OSBPL10: variants seen among roughly 807,000 people sequenced by gnomAD.
The protein encoded by OSBPL10 is oxysterol-binding protein-related protein 10.
A neutral mutation model predicts 81.7 loss-of-function variants in OSBPL10; 49 were observed. The observed-to-expected ratio is 0.60, with a 90% CI of 0.48 to 0.76. The LOEUF is 0.76. Among genes scored for constraint, OSBPL10 ranks in the 30% least tolerant of loss-of-function variants. The probability of loss-of-function intolerance (pLI) is 0.00; values close to 1 mark genes in which losing one functional copy is unlikely to be tolerated. For missense variants in OSBPL10, 923 were observed against 987.8 expected (o/e 0.93, Z 0.88); for synonymous variants, 419 against 383.6 (o/e 1.09, Z -1.08).
intron 4 of OSBPL10, among the ~76,000 whole-genome samples, chr3:31,817,994 T>A (rs569004370): frequency 6.6e-6 from 1 of 152,216 alleles, no homozygotes; most frequent in East Asian, 1.9e-4. Context: ...TGGTCCCAGA[T>A]ACTTGAGAGG....
intron 1 of OSBPL10, among the ~76,000 whole-genome samples, chr3:31,905,286 T>C (rs1015899253): frequency 4.6e-5 from 7 of 150,574 alleles, no homozygotes; most frequent in African/African-American, 1.7e-4. Flanking sequence ...ATCAAACTTG[T>C]CAATATGTCA....
chr3:31,957,979 T>C (rs1698058641), intron 1 of OSBPL10, among the ~76,000 whole-genome samples: 1 of 152,208 alleles, frequency 6.6e-6, no homozygotes, highest in South Asian at 2.1e-4. Context: ...AGTCACATTG[T>C]ATAGAGTGAC....
intron 2 of OSBPL10, among the ~76,000 whole-genome samples, chr3:32,000,321 G>C (rs1699133132): frequency 6.6e-6 from 1 of 152,032 alleles, no homozygotes; most frequent in Non-Finnish European, 1.5e-5. Context: ...TTATAATACG[G>C]GCTCAAAGAC....
At chr3:31,925,453 G>C (rs1290949460) in intron 1 of OSBPL10, among the ~76,000 whole-genome samples, 1 of 151,598 alleles carries the variant, frequency 6.6e-6, no homozygotes, top group Non-Finnish European at 1.5e-5. Flanking sequence ...AGGACTACCA[G>C]AGTGACTGTT....
In OSBPL10 at chr3:31,862,081, A is replaced by T. The variant is rs932786247; in HGVS notation, c.537+14352T>A. On this transcript the variant is annotated intron_variant, in intron 3 of 11. Coordinates refer to ENST00000396556, the MANE Select transcript of OSBPL10 (RefSeq NM_017784.5). ...TTTGACTTTTGGTCAAAGCTGCCAC[A>T]TGCCAGGCTCAGAAATAGCCCCTTC... Among the ~76,000 whole-genome samples, 4 of 152,242 alleles carry T rather than the reference A, an allele frequency of 2.6e-5. No homozygotes were observed. The East Asian group carries it at 7.7e-4, about 29-fold the overall frequency.
chr3:31,710,635 G>A (rs1002225529), intron 6 of OSBPL10: 6 of 152,390 alleles, frequency 3.9e-5, no homozygotes, highest in African/African-American at 1.4e-4. Flanking sequence ...AAAGCAGCAA[G>A]TGCAGTGAAT....
chr3:31,763,511 G>C (rs1277924909), intron 4 of OSBPL10, among the ~76,000 whole-genome samples: 1 of 152,090 alleles, frequency 6.6e-6, no homozygotes, highest in African/African-American at 2.4e-5. Context: ...CTTTTATTTT[G>C]CAAGGAGAAT....
intron 1 of OSBPL10, among the ~76,000 whole-genome samples, chr3:32,054,110 T>G (rs1699689380): frequency 6.6e-6 from 1 of 152,250 alleles, no homozygotes; most frequent in Non-Finnish European, 1.5e-5. Flanking sequence ...GCTTTCTGCC[T>G]TTAACAAAAT....
chr3:31,682,699 C>T lies in OSBPL10; in HGVS notation c.1726+935G>A, dbSNP rs143866756. 2.8e-3 allele frequency among the ~76,000 whole-genome samples: 419 copies of T among 152,352 alleles called. 2 individuals carry two copies. Among genetic ancestry groups the T allele is most frequent in the African/African-American group, 9.6e-3 (398 of 41,588 alleles). Reference sequence around the variant, plus strand: ...ACTTACCATTCTTCAACTTACCACACAATCCATTTTATTTACTTATTTATT... The same window carrying T: ...ACTTACCATTCTTCAACTTACCACATAATCCATTTTATTTACTTATTTATT... On this transcript the variant is annotated intron_variant, in intron 8 of 11. Coordinates refer to ENST00000396556, the MANE Select transcript of OSBPL10 (RefSeq NM_017784.5).
chr3:31,962,774 T>A (rs985655417), intron 1 of OSBPL10, among the ~76,000 whole-genome samples: 2 of 152,156 alleles, frequency 1.3e-5, no homozygotes, highest in Non-Finnish European at 2.9e-5. Context: ...CCAAATCACT[T>A]GGGTGCAAGG....
chr3:31,801,367 T>C (rs957774651), intron 4 of OSBPL10, among the ~76,000 whole-genome samples: 1 of 152,140 alleles, frequency 6.6e-6, no homozygotes, highest in African/African-American at 2.4e-5. Flanking sequence ...GGGAAAAGTC[T>C]CCCTTGGCTC....
chr3:31,843,922 A>G (rs1700565495), intron 3 of OSBPL10, among the ~76,000 whole-genome samples: 1 of 152,232 alleles, frequency 6.6e-6, no homozygotes, highest in Non-Finnish European at 1.5e-5. Context: ...GGCAGCAGCC[A>G]TGAGTCCAGA....
rs549323770 is a variant in OSBPL10 at position 31,811,629 on chromosome 3, T to C, written c.729+18411A>G. Among the ~76,000 whole-genome samples, 3 of 152,304 alleles carry C rather than the reference T, an allele frequency of 2.0e-5. No individual in the cohort carries two copies. The East Asian group carries it at 5.8e-4, about 29-fold the overall frequency. ...CTATTTCCATGTGAAAGCAACACAG[T>C]TCATAACAGGATATATCAAGTCCAT... On this transcript the variant is annotated intron_variant, in intron 4 of 11. Transcript: ENST00000396556.
chr3:31,956,271 G>A (rs1236988267), intron 1 of OSBPL10, among the ~76,000 whole-genome samples: 1 of 152,214 alleles, frequency 6.6e-6, no homozygotes, highest in Non-Finnish European at 1.5e-5. Context: ...TTCCACATTA[G>A]AGGGAGGGCA....
At chr3:31,800,554 C>G (rs573722058) in intron 4 of OSBPL10, among the ~76,000 whole-genome samples, 2 of 152,320 alleles carry the variant, frequency 1.3e-5, no homozygotes, top group Non-Finnish European at 2.9e-5. Flanking sequence ...GGAGCATTTC[C>G]TTTCCCATTA....
chr3:31,662,467 G>A (rs1700092119), intron 11 of OSBPL10: 1 of 1,045,746 alleles, frequency 9.6e-7, no homozygotes, highest in Non-Finnish European at 1.1e-6. Flanking sequence ...GGAAAGAAAA[G>A]GCAAGGGTGT....
At chr3:31,750,227 A>G (rs527404256) in intron 4 of OSBPL10, among the ~76,000 whole-genome samples, 1 of 152,308 alleles carries the variant, frequency 6.6e-6, no homozygotes, top group East Asian at 1.9e-4. Flanking sequence ...AATCCCAGGC[A>G]CACCTATCTT....
At chr3:31,730,878 G>T (rs1167331588) in intron 6 of OSBPL10, among the ~76,000 whole-genome samples, 1 of 152,120 alleles carries the variant, frequency 6.6e-6, no homozygotes, top group African/African-American at 2.4e-5. Flanking sequence ...TTAGTTACAC[G>T]ACCATAATAA....
chr3:31,890,696 G>A (rs552290381), intron 1 of OSBPL10, among the ~76,000 whole-genome samples: 110 of 152,284 alleles, frequency 7.2e-4, no homozygotes, highest in African/African-American at 2.5e-3. Flanking sequence ...ACTGAGACCT[G>A]TCTTATGAGA....
Sources: gnomAD v4.1 joint callset for allele counts (sites outside exome capture counted in the v4.1 genomes callset) on GRCh38, gnomAD v4.1.1 for gene constraint, MANE v1.5 for transcripts, NCBI Gene and HGNC (gene_info 2026-07-23, HGNC 2026-07-21) for gene names.